Variants in SULT2B1 observed in about 807,000 individuals in gnomAD.
SULT2B1 encodes sulfotransferase 2B1.
Under a neutral mutation model 33.2 loss-of-function variants are expected in SULT2B1, and 16 were observed. The ratio of observed to expected loss-of-function variants is 0.48; its 90% CI spans 0.33 to 0.73. The LOEUF (loss-of-function observed/expected upper bound fraction) is 0.73, where lower values mean the gene tolerates loss of function less well. Ranked by LOEUF, SULT2B1 falls within the 30% of genes least tolerant of loss-of-function variation. The pLI, the probability that SULT2B1 is intolerant of heterozygous loss-of-function variation, is 0.02. For missense variants in SULT2B1, 500 were observed against 506.0 expected (o/e 0.99, Z 0.11); for synonymous variants, 186 against 200.5 (o/e 0.93, Z 0.61).
Position 48,592,598 on chromosome 19 carries a change from G to T in SULT2B1, c.551-124G>T, listed in dbSNP as rs1973657296. The stretch of plus-strand genomic sequence containing the variant: ...GGAAATGTGGGGGCTCTGGGGGAGG[G>T]CATCCAGCTCTGGGGGCTGGACCTG... On this transcript the variant is annotated intron_variant, in intron 4 of 6. Transcript: ENST00000201586. 3.3e-5 allele frequency: 25 copies of T among 748,888 alleles called. 1 individual carries two copies. In the South Asian group the frequency reaches 3.9e-4, roughly 12 times the overall value. 46.4% of individuals were successfully genotyped at this position (748,888 alleles called of 1,614,324 possible).
At chr19:48,574,106 C>T (rs1460482769) in intron 1 of SULT2B1, among the ~76,000 whole-genome samples, 1 of 152,196 alleles carries the variant, frequency 6.6e-6, no homozygotes, top group Non-Finnish European at 1.5e-5. Flanking sequence ...AAGTAATCCT[C>T]CTGTCTTGGC....
chr19:48,562,288 T>C (rs1973192737), intron 1 of SULT2B1, among the ~76,000 whole-genome samples: 1 of 151,944 alleles, frequency 6.6e-6, no homozygotes, highest in Non-Finnish European at 1.5e-5. Flanking sequence ...CTCGGGTGGC[T>C]GAGGCAGAAG....
chr19:48,559,713 C>T (rs1166011763), intron 1 of SULT2B1, among the ~76,000 whole-genome samples: 3 of 152,176 alleles, frequency 2.0e-5, no homozygotes, highest in Non-Finnish European at 2.9e-5. Flanking sequence ...GGGAGACCCT[C>T]GCCTTGCCCG....
At chr19:48,588,542 A>G (rs1046460724) in intron 3 of SULT2B1, among the ~76,000 whole-genome samples, 1 of 149,890 alleles carries the variant, frequency 6.7e-6, no homozygotes, top group Non-Finnish European at 1.5e-5. Context: ...ATTATACTAC[A>G]TATTATAATA....
intron 4 of SULT2B1, 141 bp from the exon 5 acceptor site, chr19:48,592,581 G>A (rs1454029926): frequency 1.5e-6 from 1 of 665,326 alleles, no homozygotes; most frequent in African/African-American, 1.8e-5. Flanking sequence ...GTGGAAATGT[G>A]GGGGCTCTGG....
chr19:48,564,491 G>T (rs1973220035), intron 1 of SULT2B1, among the ~76,000 whole-genome samples: 1 of 137,964 alleles, frequency 7.2e-6, no homozygotes, highest in Non-Finnish European at 1.5e-5. Flanking sequence ...AGGCAAGGTT[G>T]CAGTGAGCCG....
chr19:48,590,099 T>A (rs991269198), intron 3 of SULT2B1, among the ~76,000 whole-genome samples: 1 of 152,096 alleles, frequency 6.6e-6, no homozygotes, highest in African/African-American at 2.4e-5. Flanking sequence ...GCGATTCTCT[T>A]GCCTCAGCCT....
intron 5 of SULT2B1, among the ~76,000 whole-genome samples, chr19:48,593,913 C>G (rs1372364551): frequency 6.6e-6 from 1 of 151,398 alleles, no homozygotes; most frequent in Non-Finnish European, 1.5e-5. Flanking sequence ...ATATTTGGAC[C>G]AGTTATATAT....
chr19:48,575,057 C>T (rs1307969996), intron 1 of SULT2B1, among the ~76,000 whole-genome samples: 1 of 146,784 alleles, frequency 6.8e-6, no homozygotes, highest in Non-Finnish European at 1.5e-5. Flanking sequence ...AATTTTAACT[C>T]AAAGTTATGG....
chr19:48,598,861 C>G (rs1973758801), intron 6 of SULT2B1, among the ~76,000 whole-genome samples: 1 of 152,014 alleles, frequency 6.6e-6, no homozygotes, highest in Non-Finnish European at 1.5e-5. Flanking sequence ...TGGGCAGAGA[C>G]TTAAAGGGTC....
In SULT2B1 at chr19:48,577,059, G is replaced by T. The variant is rs1285792982; in HGVS notation, c.214+976G>T. 4.4e-5 allele frequency among the ~76,000 whole-genome samples: 5 copies of T among 114,546 alleles called. No homozygotes were observed. The South Asian group carries it at 1.1e-3, about 26-fold the overall frequency. 75.1% of individuals were successfully genotyped at this position (114,546 alleles called of 152,430 possible). On this transcript the variant is annotated intron_variant, in intron 2 of 6. Transcript: ENST00000201586. ...TTTTTTTTTTTTTTTTTTTTGTGAC[G>T]GAGTCTCTCTGTCGCCCAGGCTGGA... is the stretch of plus-strand genomic sequence containing the variant.
intron 1 of SULT2B1, among the ~76,000 whole-genome samples, chr19:48,564,867 T>A (rs997805206): frequency 1.3e-5 from 2 of 152,058 alleles, no homozygotes; most frequent in South Asian, 4.1e-4. Flanking sequence ...CTTGGCTCAC[T>A]GCAACCTCTG....
rs564535937 is a variant in SULT2B1 at position 48,576,841 on chromosome 19, A to G, written c.214+758A>G. 2.6e-3 allele frequency among the ~76,000 whole-genome samples: 384 copies of G among 150,190 alleles called. 2 individuals are homozygous for G. The highest frequency in any genetic ancestry group is 8.8e-3 in the African/African-American group (360 of 40,786). On this transcript the variant is annotated intron_variant, in intron 2 of 6. Transcript: ENST00000201586. ...TTTTTTGTAGGGACAGGGTTTCATC[A>G]TGTTGCCCAGGCTGGTCTTGAACTC...
At chr19:48,561,428 T>C (rs556148334) in intron 1 of SULT2B1, among the ~76,000 whole-genome samples, 8 of 126,396 alleles carry the variant, frequency 6.3e-5, no homozygotes, top group Non-Finnish European at 3.7e-5. Context: ...AAACACTGTC[T>C]CAAAATAAAT....
chr19:48,552,347 G>A lies in SULT2B1; in HGVS notation c.71+24G>A, dbSNP rs374264210. 132 of 1,612,836 alleles carry A rather than the reference G, an allele frequency of 8.2e-5. No individual in the cohort carries two copies. The highest frequency in any genetic ancestry group is 1.1e-4 in the Non-Finnish European group (126 of 1,179,368). On this transcript the variant is annotated intron_variant, in intron 1 of 6. Transcript: ENST00000201586. This position sits in a 1 kb window ranked among gnomAD's most constrained non-coding sequence, Gnocchi z 4.8. ...AGGTGAGGCCCAGACCTGGGCAGGA[G>A]CCAGGAGATCCCAGGGAGGAGGTGG...
chr19:48,589,385 T>C (rs1186567817), intron 3 of SULT2B1, among the ~76,000 whole-genome samples: 1 of 152,028 alleles, frequency 6.6e-6, no homozygotes, highest in Non-Finnish European at 1.5e-5. Flanking sequence ...CAGCAGAGGC[T>C]GCCGGTGGGC....
At chr19:48,576,676 G>A (rs1354147512) in intron 2 of SULT2B1, among the ~76,000 whole-genome samples, 2 of 128,274 alleles carry the variant, frequency 1.6e-5, no homozygotes, top group Admixed American at 1.8e-4. Flanking sequence ...GTCTTGCTCT[G>A]CTGCCCAGGC....
At chr19:48,570,780 A>G (rs1051014294) in intron 1 of SULT2B1, among the ~76,000 whole-genome samples, 14 of 151,306 alleles carry the variant, frequency 9.3e-5, no homozygotes, top group African/African-American at 3.4e-4. Context: ...GCTGGAGTGC[A>G]GTGGCGCGAT....
chr19:48,579,826 C>T (rs559225923), intron 2 of SULT2B1, among the ~76,000 whole-genome samples: 285 of 151,436 alleles, frequency 1.9e-3, no homozygotes, highest in Non-Finnish European at 3.4e-3. Context: ...AGGCTGGTCT[C>T]GAACTCCTGA....
Sources: gnomAD v4.1 joint callset for allele counts (sites outside exome capture counted in the v4.1 genomes callset) on GRCh38, gnomAD v4.1.1 for gene constraint, Gnocchi (gnomAD v3.1) non-coding constraint, MANE v1.5 for transcripts, NCBI Gene and HGNC (gene_info 2026-07-23, HGNC 2026-07-21) for gene names.